The following ADH1A variants were observed in gnomAD, a reference collection of about 807,000 sequenced individuals.
ADH1A encodes alcohol dehydrogenase 1A (class I), alpha polypeptide.
Under a neutral mutation model 35.2 loss-of-function variants are expected in ADH1A, and 29 were observed. The observed-to-expected ratio is 0.82, with a 90% CI of 0.61 to 1.12. The LOEUF (loss-of-function observed/expected upper bound fraction) is 1.12, where lower values mean the gene tolerates loss of function less well. Ranked by LOEUF, ADH1A falls within the 50% of genes most tolerant of loss-of-function variation. The pLI, the probability that ADH1A is intolerant of heterozygous loss-of-function variation, is 0.00. For synonymous variants in ADH1A, 147 were observed against 164.8 expected (o/e 0.89, Z 0.83); for missense variants, 469 against 464.7 (o/e 1.01, Z -0.09).
At chr4:99,276,691 G>A (rs1455058210) in intron 8 of ADH1A, 43 bp from the exon 9 acceptor site, 2 of 1,570,880 alleles carry the variant, frequency 1.3e-6, no homozygotes, top group Admixed American at 3.3e-5. Context: ...ATTTAGACAT[G>A]CTTCCATGTG....
intron 1 of ADH1A, 96 bp from the exon 2 acceptor site, chr4:99,287,761 A>T: frequency 2.2e-6 from 3 of 1,350,174 alleles, no homozygotes; most frequent in Non-Finnish European, 3.1e-6. Flanking sequence ...ATCTAATCCC[A>T]TGTCTGGTAC....
chr4:99,283,863 CG>C (rs1733066155), intron 5 of ADH1A, among the ~76,000 whole-genome samples: 1 of 152,134 alleles, frequency 6.6e-6, no homozygotes, highest in African/African-American at 2.4e-5. Context: ...GAGTGAATTA[CG>C]CATCACTGAA....
At chr4:99,285,947 G>T (rs1036802183) in intron 3 of ADH1A, among the ~76,000 whole-genome samples, 10 of 150,988 alleles carry the variant, frequency 6.6e-5, no homozygotes, top group South Asian at 2.1e-4. Context: ...GCGTGAACCC[G>T]GGAGGTGGAG....
chr4:99,287,486 A>G, intron 2 of ADH1A, 78 bp downstream of exon 2: 1 of 1,372,812 alleles, frequency 7.3e-7, no homozygotes, highest in Non-Finnish European at 1.0e-6. Context: ...GGATGATCAT[A>G]TAAAAATTTG....
At chr4:99,287,329 T>C (rs1171521978) in intron 2 of ADH1A, among the ~76,000 whole-genome samples, 1 of 152,222 alleles carries the variant, frequency 6.6e-6, no homozygotes, top group African/African-American at 2.4e-5. Context: ...GATTTTGAAG[T>C]CTTGATATAT....
chr4:99,277,199 TAAC>T, intron 8 of ADH1A, among the ~76,000 whole-genome samples: 1 of 152,086 alleles, frequency 6.6e-6, no homozygotes, highest in Non-Finnish European at 1.5e-5. Context: ...AGATGATAAA[TAAC>T]TTGCCTGAAA....
chr4:99,287,784 C>A, intron 1 of ADH1A, 119 bp from the exon 2 acceptor site: 1 of 1,055,780 alleles, frequency 9.5e-7, no homozygotes, highest in Non-Finnish European at 1.4e-6. Context: ...AACAAGTGCT[C>A]TATAGAAATG....
chr4:99,283,387 C>T (rs1252917067), intron 5 of ADH1A, among the ~76,000 whole-genome samples: 2 of 152,128 alleles, frequency 1.3e-5, no homozygotes. Context: ...TTTATTAAAC[C>T]TAGTCTCCCA....
At chr4:99,276,753 C>T in intron 8 of ADH1A, 105 bp from the exon 9 acceptor site, 1 of 1,045,802 alleles carries the variant, frequency 9.6e-7, no homozygotes, top group Non-Finnish European at 1.5e-6. Flanking sequence ...CTGTTCTCAG[C>T]CACTCTAATC....
intron 3 of ADH1A, among the ~76,000 whole-genome samples, chr4:99,285,492 A>G (rs191072280): frequency 1.1e-3 from 167 of 152,310 alleles, no homozygotes; most frequent in African/African-American, 3.6e-3. Context: ...TTCCTGTTAC[A>G]GTGGAGGGAG....
Position 99,276,767 on chromosome 4 carries a change from C to A in ADH1A, c.1104-119G>T, listed in dbSNP as rs1732878125. 5.4e-6 allele frequency: 5 copies of A among 928,966 alleles called. No homozygotes were observed. The Admixed American group carries it at 9.7e-5, about 18-fold the overall frequency. The allele number at this position is 928,966 out of a possible 1,614,324, so 57.5% of individuals were successfully genotyped here. On this transcript the variant is annotated intron_variant, in intron 8 of 8. Transcript: ENST00000209668. Reference sequence around the variant, plus strand: ...TCTGTTCTCAGCCACTCTAATCCCACCCCCATGCATTCGGGTCAAGTGAAG... The same window carrying A: ...TCTGTTCTCAGCCACTCTAATCCCAACCCCATGCATTCGGGTCAAGTGAAG...
intron 3 of ADH1A, 69 bp downstream of exon 3, chr4:99,286,781 G>A: frequency 6.3e-7 from 1 of 1,589,308 alleles, no homozygotes; most frequent in Non-Finnish European, 8.6e-7. Context: ...CTTTGCCTCT[G>A]TTTCCTCATT....
chr4:99,288,786 G>A (rs570202028), intron 1 of ADH1A: 1 of 152,204 alleles, frequency 6.6e-6, no homozygotes, highest in Non-Finnish European at 1.5e-5. Flanking sequence ...CCTGTGCTCG[G>A]TGAGTTATTT....
chr4:99,284,286 A>C, intron 5 of ADH1A, 113 bp downstream of exon 5: 1 of 1,122,578 alleles, frequency 8.9e-7, no homozygotes, highest in South Asian at 1.4e-5. Context: ...TTCTATTCTT[A>C]GTCGACATTC....
At chr4:99,282,962 A>G (rs957805998) in intron 5 of ADH1A, among the ~76,000 whole-genome samples, 3 of 152,170 alleles carry the variant, frequency 2.0e-5, no homozygotes, top group Non-Finnish European at 4.4e-5. Flanking sequence ...AGTGATTACA[A>G]TCTTGAAGGG....
Position 99,284,010 on chromosome 4 carries a change from A to G in ADH1A, c.567+389T>C, listed in dbSNP as rs28364316. 9.3e-3 allele frequency among the ~76,000 whole-genome samples: 1,412 copies of G among 152,282 alleles called. 13 individuals carry two copies. The highest frequency in any genetic ancestry group is 0.013 in the Non-Finnish European group (879 of 68,012). ...GGATCCACAGACTAGCTGCTCCTCA[A>G]GGGCAAACGCTTCATTTCATTTACT... On this transcript the variant is annotated intron_variant, in intron 5 of 8. Transcript: ENST00000209668.
chr4:99,282,216 A>G (rs1218887329), intron 6 of ADH1A, 130 bp downstream of exon 6: 1 of 1,558,358 alleles, frequency 6.4e-7, no homozygotes, highest in Admixed American at 1.7e-5. Context: ...AAGCCAGGTA[A>G]CAAACAGATG....
chr4:99,289,355 A>G (rs927517239), intron 1 of ADH1A, among the ~76,000 whole-genome samples: 2 of 152,238 alleles, frequency 1.3e-5, no homozygotes, highest in Admixed American at 6.5e-5. Flanking sequence ...TACAGCTGAA[A>G]TAATTGAGGA....
chr4:99,286,529 C>T, intron 3 of ADH1A: 1 of 274,234 alleles, frequency 3.6e-6, no homozygotes, highest in Non-Finnish European at 6.8e-6. Context: ...CCAACACTAA[C>T]ACGGAAGTTA....
Sources: allele counts gnomAD v4.1 joint callset (sites outside exome capture counted in the v4.1 genomes callset), GRCh38; gene constraint gnomAD v4.1.1; transcripts MANE v1.5; gene names NCBI Gene and HGNC (gene_info 2026-07-23, HGNC 2026-07-21).